The following KDM1B variants were observed in gnomAD, a reference collection of about 807,000 sequenced individuals.
KDM1B encodes lysine-specific histone demethylase 2.
KDM1B carries 63 observed loss-of-function variants against 107.4 expected under a neutral mutation model. The ratio of observed to expected loss-of-function variants is 0.59; its 90% CI spans 0.48 to 0.72. KDM1B has a LOEUF of 0.72. Among genes scored for constraint, KDM1B ranks in the 30% least tolerant of loss-of-function variants. The probability of loss-of-function intolerance (pLI) is 0.00; values close to 1 mark genes in which losing one functional copy is unlikely to be tolerated. For synonymous variants in KDM1B, 363 were observed against 363.9 expected (o/e 1.00, Z 0.03); for missense variants, 749 against 1,020.8 (o/e 0.73, Z 3.63).
At chr6:18,192,915 G>A (rs1008805830) in intron 10 of KDM1B, among the ~76,000 whole-genome samples, 7 of 151,786 alleles carry the variant, frequency 4.6e-5, no homozygotes, top group Admixed American at 3.3e-4. Context: ...TATACCGGCT[G>A]GGCGCGGTGG....
rs1047080579 is a variant in KDM1B, at chr6:18,163,023, G to A, written c.305+99G>A. The A allele has an allele frequency of 2.2e-5, 16 of 723,224 alleles. No homozygotes were observed. The African/African-American group carries it at 2.3e-4, about 10-fold the overall frequency. The allele number at this position is 723,224 out of a possible 1,614,324, so 44.8% of individuals were successfully genotyped here. A position where few individuals can be genotyped will look rare whatever the true frequency, so the allele number is the denominator to read the frequency against. On this transcript the variant is annotated intron_variant, in intron 5 of 21. Coordinates refer to ENST00000650836, the MANE Select transcript of KDM1B (RefSeq NM_001364614.2). The stretch of plus-strand genomic sequence containing the variant: ...TTAAAGCTTAGTCTCGAGGCTTACT[G>A]AATTATTCAGCTCTTTCAGCCATGC...
intron 7 of KDM1B, among the ~76,000 whole-genome samples, chr6:18,180,963 G>A (rs1039658196): frequency 1.3e-5 from 2 of 152,206 alleles, no homozygotes; most frequent in Non-Finnish European, 2.9e-5. Flanking sequence ...TGACAATTGA[G>A]TGGACAACTT....
chr6:18,171,107 A>C (rs1416650397), intron 6 of KDM1B, among the ~76,000 whole-genome samples: 3 of 152,218 alleles, frequency 2.0e-5, no homozygotes, highest in Non-Finnish European at 4.4e-5. Context: ...GGCGTGAGCC[A>C]CTGCACCTGG....
chr6:18,221,367 T>G (rs575338857), intron 21 of KDM1B, among the ~76,000 whole-genome samples: 1 of 152,310 alleles, frequency 6.6e-6, no homozygotes, highest in Non-Finnish European at 1.5e-5. Context: ...TTGCTTATTG[T>G]TCCCACCATA....
chr6:18,174,845 T>A (rs570882109), intron 7 of KDM1B, among the ~76,000 whole-genome samples: 10 of 152,212 alleles, frequency 6.6e-5, no homozygotes, highest in Non-Finnish European at 1.2e-4. Context: ...TGTATGTATG[T>A]ATGTACACAT....
chr6:18,200,125 C>T lies in KDM1B; in HGVS notation c.1222-314C>T, dbSNP rs953006136. On this transcript the variant is annotated intron_variant, in intron 12 of 21. Transcript: ENST00000650836. The surrounding 1 kb of genome is among the most constrained non-coding windows in gnomAD (Gnocchi z 4.3). ...TTGGCCTCATGTGATCCTCCTGCCT[C>T]GGCCTCCCAAAGTGCTGGTATTACA... 1.3e-5 allele frequency among the ~76,000 whole-genome samples: 2 copies of T among 152,188 alleles called. No individual in the cohort carries two copies. Among genetic ancestry groups the T allele is most frequent in the Non-Finnish European group, 2.9e-5 (2 of 68,036 alleles).
chr6:18,218,127 TTTTG>T (rs1362005938), intron 21 of KDM1B, among the ~76,000 whole-genome samples: 1 of 152,058 alleles, frequency 6.6e-6, no homozygotes, highest in Non-Finnish European at 1.5e-5. Flanking sequence ...TCTCTTTCTT[TTTTG>T]TTTTTTTGAG....
chr6:18,175,194 G>T (rs1267485722), intron 7 of KDM1B, among the ~76,000 whole-genome samples: 3 of 152,200 alleles, frequency 2.0e-5, no homozygotes, highest in Admixed American at 6.5e-5. Flanking sequence ...CAGGAGTAAG[G>T]TGGTATCACA....
intron 20 of KDM1B, among the ~76,000 whole-genome samples, chr6:18,217,101 G>A (rs1312545083): frequency 1.3e-5 from 2 of 152,118 alleles, no homozygotes; most frequent in Non-Finnish European, 2.9e-5. Flanking sequence ...GCTACCACAC[G>A]ATGGAAAAGG....
At chr6:18,182,472 A>G (rs917572169) in intron 7 of KDM1B, among the ~76,000 whole-genome samples, 1 of 152,178 alleles carries the variant, frequency 6.6e-6, no homozygotes, top group Non-Finnish European at 1.5e-5. Context: ...GCTGTTTCTC[A>G]TTTAATATGT....
chr6:18,194,884 G>A (rs553636111), intron 10 of KDM1B, among the ~76,000 whole-genome samples: 1 of 152,218 alleles, frequency 6.6e-6, no homozygotes, highest in East Asian at 1.9e-4. Flanking sequence ...CCACTATCTA[G>A]TTCCAGAACT....
chr6:18,158,014 C>T (rs1205783762), intron 2 of KDM1B, among the ~76,000 whole-genome samples: 4 of 151,828 alleles, frequency 2.6e-5, no homozygotes, highest in East Asian at 1.9e-4. Context: ...GGGGTTTCAC[C>T]GTGTTAGCCA....
In KDM1B at chr6:18,199,491, C is replaced by T. The variant is rs1352888244; in HGVS notation, c.1222-948C>T. ...ATCCAGAAGTGAAAGACTGGCCCTG[C>T]GATGAATAGGACTCACATTTTCAGG... On this transcript the variant is annotated intron_variant, in intron 12 of 21. Transcript: ENST00000650836. Among the ~76,000 whole-genome samples, 5 of 152,064 alleles carry T rather than the reference C, an allele frequency of 3.3e-5. No homozygotes were observed. In the South Asian group the frequency reaches 6.2e-4, roughly 19 times the overall value.
chr6:18,167,730 TC>T (rs2150803012), intron 6 of KDM1B, among the ~76,000 whole-genome samples: 1 of 152,078 alleles, frequency 6.6e-6, no homozygotes. Context: ...TGCCTCAGCC[TC>T]CCACAGTGCT....
chr6:18,181,037 G>A (rs1262942549), intron 7 of KDM1B, among the ~76,000 whole-genome samples: 2 of 152,132 alleles, frequency 1.3e-5, no homozygotes, highest in Non-Finnish European at 2.9e-5. Context: ...CTTGGGTGGT[G>A]GTTGTCACTT....
intron 4 of KDM1B, among the ~76,000 whole-genome samples, chr6:18,161,931 ATCT>A (rs112963288): frequency 0.011 from 1,643 of 150,396 alleles, 29 homozygotes; most frequent in African/African-American, 0.036. Flanking sequence ...CACAAGTATG[ATCT>A]TCTTTTTTTT....
At position 18,162,481 on chromosome 6, in the gene KDM1B, G is replaced by C. The variant is rs1040830886; in HGVS notation, c.216-354G>C. Among the ~76,000 whole-genome samples the C allele has an allele frequency of 6.6e-6, 1 of 152,024 alleles. No homozygotes were observed. Among genetic ancestry groups the C allele is most frequent in the Non-Finnish European group, 1.5e-5 (1 of 68,018 alleles). ...AGATTTCAGCTGACCAGATTCCCTCGCTGTTCAGTACTGGGCCCCACGTTA... is the reference window on the plus strand; with the variant it reads ...AGATTTCAGCTGACCAGATTCCCTCCCTGTTCAGTACTGGGCCCCACGTTA... On this transcript the variant is annotated intron_variant, in intron 4 of 21. Coordinates refer to ENST00000650836, the MANE Select transcript of KDM1B (RefSeq NM_001364614.2). This position sits in a 1 kb window ranked among gnomAD's most constrained non-coding sequence, Gnocchi z 4.1.
chr6:18,161,750 T>G (rs1784986020), intron 4 of KDM1B, among the ~76,000 whole-genome samples: 1 of 152,074 alleles, frequency 6.6e-6, no homozygotes, highest in Non-Finnish European at 1.5e-5. Flanking sequence ...ATGGTGTATG[T>G]CGTGGTGAGA....
At chr6:18,206,588 A>C (rs78143703) in intron 15 of KDM1B, among the ~76,000 whole-genome samples, 224 of 152,094 alleles carry the variant, frequency 1.5e-3, no homozygotes, top group African/African-American at 5.2e-3. Flanking sequence ...AGGGTCTCTT[A>C]TGTTTTTCTT....
Sources: allele counts gnomAD v4.1 joint callset (sites outside exome capture counted in the v4.1 genomes callset), GRCh38; gene constraint gnomAD v4.1.1; non-coding constraint Gnocchi (gnomAD v3.1); transcripts MANE v1.5; gene names NCBI Gene and HGNC (gene_info 2026-07-23, HGNC 2026-07-21).